Variants in SBF2 observed in about 807,000 individuals in gnomAD.
SBF2 encodes the protein SET binding factor 2, also known as myotubularin-related protein 13.
In SBF2, 112 loss-of-function variants were observed where a neutral mutation model predicts 225.2. The ratio of observed to expected loss-of-function variants is 0.50; its 90% CI spans 0.43 to 0.58. The LOEUF is 0.58. SBF2 is among the 20% of genes least tolerant of loss of function. The pLI is 0.00. For missense variants in SBF2, 1,996 were observed against 2,206.2 expected, an observed-to-expected ratio of 0.90 and a Z score of 1.91; for synonymous variants, 763 against 773.3, an observed-to-expected ratio of 0.99 and a Z score of 0.22.
Position 10,234,612 on chromosome 11 carries a change from T to C in SBF2, c.56-40625A>G. On this transcript the variant is annotated intron_variant, in intron 1 of 39. Coordinates refer to ENST00000256190, the MANE Select transcript of SBF2 (RefSeq NM_030962.4). ...CAGATTTTAATTGACAACAAAATTT[T>C]CCATGTGCAGCTATAACAGCTTTTA... 1.3e-5 allele frequency among the ~76,000 whole-genome samples: 2 copies of C among 152,212 alleles called. 1 individual carries two copies. Among genetic ancestry groups the C allele is most frequent in the Middle Eastern group, 6.3e-3 (2 of 316 alleles).
intron 2 of SBF2, among the ~76,000 whole-genome samples, chr11:10,178,276 A>G (rs1190081988): frequency 2.7e-5 from 4 of 150,690 alleles, no homozygotes; most frequent in East Asian, 2.0e-4. Flanking sequence ...TCAGGACATA[A>G]GCATGGGCAA....
rs573553031 is a variant in SBF2 at position 9,969,862 on chromosome 11, G to A, written c.1396-1317C>T. ...ACCTACTGCATCTAGAAACTGCCTG[G>A]CACACAGCAGGCACTCTAAAGCTCT... On this transcript the variant is annotated intron_variant, in intron 13 of 39. Coordinates refer to ENST00000256190, the MANE Select transcript of SBF2 (RefSeq NM_030962.4). 3.9e-5 allele frequency among the ~76,000 whole-genome samples: 6 copies of A among 152,258 alleles called. No individual in the cohort carries two copies. In the South Asian group the frequency reaches 1.2e-3, roughly 32 times the overall value.
intron 2 of SBF2, among the ~76,000 whole-genome samples, chr11:10,192,170 A>G (rs905273106): frequency 6.6e-6 from 1 of 152,222 alleles, no homozygotes; most frequent in Non-Finnish European, 1.5e-5. Flanking sequence ...AAGGCCAATT[A>G]CTGGTATTTG....
intron 2 of SBF2, among the ~76,000 whole-genome samples, chr11:10,046,889 A>AC (rs1303834445): frequency 6.6e-6 from 1 of 151,412 alleles, no homozygotes; most frequent in Non-Finnish European, 1.5e-5. Flanking sequence ...CAAAAAAAAA[A>AC]AAAAAACCCA....
intron 16 of SBF2, chr11:9,957,503 A>G (rs1866253809): frequency 6.6e-6 from 1 of 151,698 alleles, no homozygotes; most frequent in Non-Finnish European, 1.5e-5. Flanking sequence ...TCTGTCGCCC[A>G]GGCTGGAGTG....
chr11:9,956,291 T>C (rs751345143), intron 16 of SBF2, among the ~76,000 whole-genome samples: 3 of 152,224 alleles, frequency 2.0e-5, no homozygotes, highest in Non-Finnish European at 4.4e-5. Context: ...CACTAGGTGA[T>C]AGAGTACGCT....
intron 2 of SBF2, among the ~76,000 whole-genome samples, chr11:10,144,051 A>G (rs568362157): frequency 6.6e-6 from 1 of 152,290 alleles, no homozygotes; most frequent in Non-Finnish European, 1.5e-5. Flanking sequence ...GCATAGAGAT[A>G]TGTATCCCCA....
At chr11:9,926,955 A>C (rs2134243699) in intron 16 of SBF2, among the ~76,000 whole-genome samples, 1 of 152,098 alleles carries the variant, frequency 6.6e-6, no homozygotes, top group East Asian at 1.9e-4. Context: ...GAAACCCGAA[A>C]CTGGTTCTCT....
chr11:10,049,012 G>GA (rs1300441690), intron 2 of SBF2, among the ~76,000 whole-genome samples: 2 of 152,144 alleles, frequency 1.3e-5, no homozygotes, highest in Non-Finnish European at 2.9e-5. Flanking sequence ...GTAATTATCT[G>GA]AAAAAGCTAC....
intron 1 of SBF2, among the ~76,000 whole-genome samples, chr11:10,291,130 A>G (rs1465561682): frequency 6.6e-6 from 1 of 152,228 alleles, no homozygotes; most frequent in Non-Finnish European, 1.5e-5. Flanking sequence ...ATCAAAATAA[A>G]TAATGCTATA....
At chr11:10,026,005 A>G (rs1013268831) in intron 6 of SBF2, among the ~76,000 whole-genome samples, 2 of 151,608 alleles carry the variant, frequency 1.3e-5, no homozygotes, top group African/African-American at 4.8e-5. Flanking sequence ...TTTGGGTTTT[A>G]GAAATTTATA....
At chr11:10,205,563 C>T (rs1029115788) in intron 1 of SBF2, among the ~76,000 whole-genome samples, 4 of 151,992 alleles carry the variant, frequency 2.6e-5, no homozygotes, top group Non-Finnish European at 4.4e-5. Flanking sequence ...AGGTTAACAA[C>T]AGAAGGCAGC....
At chr11:10,079,987 C>T (rs1398597599) in intron 2 of SBF2, among the ~76,000 whole-genome samples, 2 of 132,368 alleles carry the variant, frequency 1.5e-5, no homozygotes, top group Non-Finnish European at 3.4e-5. Flanking sequence ...ATGGCTCATG[C>T]CTGTAATCCC....
chr11:9,993,861 C>T, intron 10 of SBF2, 60 bp downstream of exon 10: 18 of 1,472,788 alleles, frequency 1.2e-5, no homozygotes, highest in Non-Finnish European at 1.7e-5. Flanking sequence ...CTTTAACAAC[C>T]CTATAAATAA....
rs1157075636 is a variant in SBF2, at chr11:9,779,021, GAT to G, written c.*1395_*1396del. 1 of 152,608 alleles carries G rather than the reference GAT, an allele frequency of 6.6e-6. No homozygotes were observed. The highest frequency in any genetic ancestry group is 2.4e-5 in the African/African-American group (1 of 41,456). The allele number at this position is 152,608 out of a possible 1,614,324, so 9.5% of individuals were successfully genotyped here. On this transcript the variant is annotated 3_prime_UTR_variant, in exon 40 of 40. Coordinates refer to ENST00000256190, the MANE Select transcript of SBF2 (RefSeq NM_030962.4). ...AGGTGGCAATTTATAAAATGGAAAT[GAT>G]AGAAAAGTCCTTCATTCTTAATTAT...
intron 1 of SBF2, among the ~76,000 whole-genome samples, chr11:10,226,623 T>C (rs1163888474): frequency 6.6e-6 from 1 of 152,212 alleles, no homozygotes; most frequent in African/African-American, 2.4e-5. Context: ...AATGATGGTT[T>C]CTAGCTTCAT....
chr11:10,139,229 A>G (rs1954531372), intron 2 of SBF2, among the ~76,000 whole-genome samples: 1 of 152,196 alleles, frequency 6.6e-6, no homozygotes, highest in Admixed American at 6.5e-5. Flanking sequence ...CCATCAAAAA[A>G]TATTTTCTAA....
chr11:9,994,049 T>G, intron 9 of SBF2, 51 bp from the exon 10 acceptor site: 1 of 1,109,374 alleles, frequency 9.0e-7, no homozygotes, highest in Non-Finnish European at 1.4e-6. Context: ...CAATGAAATC[T>G]ATTATTGAGA....
chr11:9,888,537 A>G, intron 17 of SBF2, among the ~76,000 whole-genome samples: 1 of 151,884 alleles, frequency 6.6e-6, no homozygotes. Flanking sequence ...TGAATATTTG[A>G]AACTTATAAA....
Sources: allele counts gnomAD v4.1 joint callset (sites outside exome capture counted in the v4.1 genomes callset), GRCh38; gene constraint gnomAD v4.1.1; transcripts MANE v1.5; gene names NCBI Gene and HGNC (gene_info 2026-07-23, HGNC 2026-07-21).